Variants in SLC25A26 observed in about 807,000 individuals in gnomAD.
SLC25A26 encodes the protein mitochondrial S-adenosylmethionine carrier protein.
In SLC25A26, 36 loss-of-function variants were observed where a neutral mutation model predicts 37.8. The ratio of observed to expected loss-of-function variants is 0.95; its 90% confidence interval spans 0.73 to 1.26. The LOEUF (loss-of-function observed/expected upper bound fraction) is 1.26, where lower values mean the gene tolerates loss of function less well. SLC25A26 is among the 50% of genes most tolerant of loss of function. SLC25A26 has a pLI of 0.00. For synonymous variants in SLC25A26, 129 were observed against 122.5 expected, an observed-to-expected ratio of 1.05 and a Z score of -0.35; for missense variants, 390 against 331.1, an observed-to-expected ratio of 1.18 and a Z score of -1.38.
At chr3:66,277,106 CTT>C (rs1294052701) in intron 5 of SLC25A26, among the ~76,000 whole-genome samples, 1 of 151,842 alleles carries the variant, frequency 6.6e-6, no homozygotes, top group African/African-American at 2.4e-5. Flanking sequence ...TTTTTTAAAA[CTT>C]TTACCATGGA....
At chr3:66,163,272 G>A (rs542805856) in intron 1 of SLC25A26, among the ~76,000 whole-genome samples, 155 of 152,296 alleles carry the variant, frequency 1.0e-3, no homozygotes, top group Middle Eastern at 3.4e-3. Context: ...AGCATTTGAC[G>A]GGAAACAGTT....
chr3:66,268,884 A>T (rs1347197367), intron 5 of SLC25A26, among the ~76,000 whole-genome samples: 1 of 152,152 alleles, frequency 6.6e-6, no homozygotes, highest in Non-Finnish European at 1.5e-5. Context: ...GCCATGTAAG[A>T]CGTGCCTTGC....
chr3:66,154,307 C>T (rs2070248324), intron 1 of SLC25A26, among the ~76,000 whole-genome samples: 1 of 152,134 alleles, frequency 6.6e-6, no homozygotes, highest in East Asian at 1.9e-4. Context: ...TCCTTTGCTG[C>T]TTGCATTGTT....
intron 5 of SLC25A26, among the ~76,000 whole-genome samples, chr3:66,311,645 G>C (rs963167082): frequency 2.6e-5 from 4 of 152,018 alleles, no homozygotes; most frequent in Non-Finnish European, 5.9e-5. Flanking sequence ...TTTGATCTTT[G>C]ACGCGGATGA....
intron 3 of SLC25A26, among the ~76,000 whole-genome samples, chr3:66,252,620 A>G (rs78669416): frequency 0.024 from 3,685 of 152,346 alleles, 81 homozygotes; most frequent in Non-Finnish European, 0.039. Context: ...CAAAGTGTCC[A>G]GCCTAGCATC....
At position 66,331,041 on chromosome 3, in the gene SLC25A26, T is replaced by A. The variant is rs189486613; in HGVS notation, c.454-15323T>A. Among the ~76,000 whole-genome samples, 406 of 152,150 alleles carry A rather than the reference T, an allele frequency of 2.7e-3. 2 individuals are homozygous for A. Among genetic ancestry groups the A allele is most frequent in the African/African-American group, 9.2e-3 (381 of 41,564 alleles). On this transcript the variant is annotated intron_variant, in intron 5 of 9. Transcript: ENST00000354883. ...ATATTATTTACATATATGGAAACTATCTCTTCTTTTAAGAGAGCCTTATTT... is the reference window on the plus strand; with the variant it reads ...ATATTATTTACATATATGGAAACTAACTCTTCTTTTAAGAGAGCCTTATTT...
chr3:66,177,956 T>C (rs1190739430), intron 1 of SLC25A26, among the ~76,000 whole-genome samples: 1 of 152,118 alleles, frequency 6.6e-6, no homozygotes, highest in Non-Finnish European at 1.5e-5. Flanking sequence ...GTAAATAGCA[T>C]TGATATTGTG....
chr3:66,232,921 G>C (rs2072101908), intron 1 of SLC25A26, among the ~76,000 whole-genome samples: 1 of 152,242 alleles, frequency 6.6e-6, no homozygotes, highest in Admixed American at 6.5e-5. Context: ...CGACAGGTAT[G>C]TCAGAAAGCA....
intron 5 of SLC25A26, among the ~76,000 whole-genome samples, chr3:66,279,934 G>A (rs901756635): frequency 6.6e-6 from 1 of 151,938 alleles, no homozygotes; most frequent in African/African-American, 2.4e-5. Flanking sequence ...TCCTTCACAG[G>A]GTAAATGACA....
rs1243560441 is a variant in SLC25A26 at position 66,250,012 on chromosome 3, G to A, written c.300+6700G>A. Among the ~76,000 whole-genome samples, 9 of 152,272 alleles carry A rather than the reference G, an allele frequency of 5.9e-5. No homozygotes were observed. In the South Asian group the frequency reaches 1.2e-3, roughly 21 times the overall value. ...TGACTTTTTCAAAGTGTGTCTGGGA[G>A]TCTTCCTTCAGGGCATTAAATACAT... is the stretch of plus-strand genomic sequence containing the variant. On this transcript the variant is annotated intron_variant, in intron 3 of 9. Coordinates refer to ENST00000354883, the MANE Select transcript of SLC25A26 (RefSeq NM_001379210.1).
At chr3:66,134,899 C>T (rs1445486951) in intron 1 of SLC25A26, among the ~76,000 whole-genome samples, 3 of 151,662 alleles carry the variant, frequency 2.0e-5, no homozygotes, top group Admixed American at 1.3e-4. Flanking sequence ...GGCGTGATCT[C>T]GACTCACTGC....
At chr3:66,265,864 C>T (rs1273395165) in intron 5 of SLC25A26, among the ~76,000 whole-genome samples, 1 of 152,218 alleles carries the variant, frequency 6.6e-6, no homozygotes, top group African/African-American at 2.4e-5. Flanking sequence ...GTTCCTTACT[C>T]AGATTTCACC....
chr3:66,249,180 CA>C (rs1344486115), intron 3 of SLC25A26, among the ~76,000 whole-genome samples: 5 of 151,946 alleles, frequency 3.3e-5, no homozygotes, highest in Non-Finnish European at 7.4e-5. Context: ...ACAATGAACT[CA>C]GACATGTAGA....
intron 5 of SLC25A26, among the ~76,000 whole-genome samples, chr3:66,301,330 A>T (rs2107558858): frequency 6.6e-6 from 1 of 152,284 alleles, no homozygotes; most frequent in South Asian, 2.1e-4. Flanking sequence ...CTTTTTAAGG[A>T]ATTTAGTAAT....
At chr3:66,375,208 G>C (rs1373067951) in intron 9 of SLC25A26, among the ~76,000 whole-genome samples, 2 of 152,186 alleles carry the variant, frequency 1.3e-5, no homozygotes, top group South Asian at 4.1e-4. Context: ...GGAAGCTGCA[G>C]GGTTTGAAGT....
chr3:66,233,397 T>C (rs2072123953), intron 1 of SLC25A26, among the ~76,000 whole-genome samples: 1 of 152,238 alleles, frequency 6.6e-6, no homozygotes, highest in South Asian at 2.1e-4. Context: ...CCTATTTCTT[T>C]GGATTTTTTT....
intron 6 of SLC25A26, among the ~76,000 whole-genome samples, chr3:66,355,216 G>A (rs942193742): frequency 4.6e-5 from 7 of 151,792 alleles, no homozygotes; most frequent in Admixed American, 4.6e-4. Flanking sequence ...GTCTTTGCCT[G>A]TAATTACCAG....
Position 66,313,187 on chromosome 3 carries a change from A to G in SLC25A26, c.454-33177A>G, listed in dbSNP as rs141476613. 4.9e-3 allele frequency among the ~76,000 whole-genome samples: 743 copies of G among 152,254 alleles called. 11 individuals are homozygous for G. The highest frequency in any genetic ancestry group is 0.013 in the African/African-American group (545 of 41,544). ...TACTATTGCTTTTGGCGATTTTGTG[A>G]TGAAACTTTTGCCTGTGCCTGTGTC... On this transcript the variant is annotated intron_variant, in intron 5 of 9. Coordinates refer to ENST00000354883, the MANE Select transcript of SLC25A26 (RefSeq NM_001379210.1).
intron 5 of SLC25A26, among the ~76,000 whole-genome samples, chr3:66,330,344 T>C (rs766228137): frequency 1.4e-4 from 22 of 152,168 alleles, no homozygotes; most frequent in Non-Finnish European, 2.1e-4. Flanking sequence ...GGAAAAACAC[T>C]GATGTTCCAA....
Sources: gnomAD v4.1 joint callset for allele counts (sites outside exome capture counted in the v4.1 genomes callset) on GRCh38, gnomAD v4.1.1 for gene constraint, MANE v1.5 for transcripts, NCBI Gene and HGNC (gene_info 2026-07-23, HGNC 2026-07-21) for gene names.